The following RIC3 variants were observed in gnomAD, a reference collection of about 807,000 sequenced individuals.
The protein encoded by RIC3 is protein RIC-3.
In RIC3, 28 loss-of-function variants were observed where a neutral mutation model predicts 27.3. The observed-to-expected ratio is 1.02, with a 90% CI of 0.76 to 1.41. The LOEUF is 1.41. RIC3 is among the 40% of genes most tolerant of loss of function. RIC3 has a pLI of 0.00. For missense variants in RIC3, 501 were observed against 444.7 expected (o/e 1.13, Z -1.14); for synonymous variants, 184 against 160.4 (o/e 1.15, Z -1.11).
intron 4 of RIC3, among the ~76,000 whole-genome samples, chr11:8,128,754 T>C (rs907273995): frequency 5.8e-5 from 8 of 138,546 alleles, no homozygotes; most frequent in Non-Finnish European, 9.4e-5. Flanking sequence ...CAAAAACTTT[T>C]TTTTTTTTTT....
intron 1 of RIC3, among the ~76,000 whole-genome samples, chr11:8,157,884 T>C (rs1372319667): frequency 6.6e-6 from 1 of 152,206 alleles, no homozygotes; most frequent in Non-Finnish European, 1.5e-5. Flanking sequence ...TTTACACGCA[T>C]TCATGGGCTC....
rs1944925268 is a variant in RIC3 at position 8,108,677 on chromosome 11, T to A, written c.*2021A>T. 6.6e-6 allele frequency: 1 copy of A among 152,220 alleles called. No homozygotes were observed. The highest frequency in any genetic ancestry group is 2.4e-5 in the African/African-American group (1 of 41,448). 9.4% of individuals were successfully genotyped at this position (152,220 alleles called of 1,614,324 possible). A position where few individuals can be genotyped will look rare whatever the true frequency, so the allele number is the denominator to read the frequency against. On this transcript the variant is annotated 3_prime_UTR_variant, in exon 6 of 6. Transcript: ENST00000309737. ...CAGGATTCACGATCCTGAGCCCTCTTACAGGGTCATAGTTCATTTTATCTG... is the reference window on the plus strand; with the variant it reads ...CAGGATTCACGATCCTGAGCCCTCTAACAGGGTCATAGTTCATTTTATCTG...
In RIC3 at chr11:8,106,925, T is replaced by C. The variant is rs1177377791; in HGVS notation, c.*3773A>G. 1 of 152,218 alleles carries C rather than the reference T, an allele frequency of 6.6e-6. No homozygotes were observed. The highest frequency in any genetic ancestry group is 1.9e-4 in the East Asian group (1 of 5,198). 9.4% of individuals were successfully genotyped at this position (152,218 alleles called of 1,614,324 possible). ...CTTGACAGAGTGGTGACAGGGATCA[T>C]GCTGTCACCAAGCACCTACCACATG... On this transcript the variant is annotated 3_prime_UTR_variant, in exon 6 of 6. Transcript: ENST00000309737.
chr11:8,163,220 A>G (rs193008151), intron 1 of RIC3, among the ~76,000 whole-genome samples: 29 of 152,260 alleles, frequency 1.9e-4, no homozygotes, highest in African/African-American at 6.7e-4. Flanking sequence ...ACATAGAAAA[A>G]AAGTATTTGA....
At chr11:8,155,401 C>T (rs2134182171) in intron 1 of RIC3, among the ~76,000 whole-genome samples, 2 of 152,060 alleles carry the variant, frequency 1.3e-5, no homozygotes, top group Middle Eastern at 6.8e-3. Flanking sequence ...CACGGTGAAA[C>T]TCCGTCTCTA....
At position 8,144,749 on chromosome 11, in the gene RIC3, T is replaced by C. The variant is rs1949488001; in HGVS notation, c.125-4556A>G. Reference sequence around the variant, plus strand: ...TGCACACGTATGTTTATTGCGGCATTATTCACAATAGCAAAGACTTGGAAC... The same window carrying C: ...TGCACACGTATGTTTATTGCGGCATCATTCACAATAGCAAAGACTTGGAAC... On this transcript the variant is annotated intron_variant, in intron 1 of 5. Transcript: ENST00000309737. Among the ~76,000 whole-genome samples, 5 of 151,502 alleles carry C rather than the reference T, an allele frequency of 3.3e-5. No individual in the cohort carries two copies. In the South Asian group the frequency reaches 1.0e-3, roughly 32 times the overall value.
intron 5 of RIC3, among the ~76,000 whole-genome samples, chr11:8,115,584 G>C (rs1366845757): frequency 6.6e-6 from 1 of 152,106 alleles, no homozygotes; most frequent in Non-Finnish European, 1.5e-5. Flanking sequence ...GTGACAGGTG[G>C]ATCACCTGAG....
intron 5 of RIC3, 98 bp downstream of exon 5, chr11:8,126,561 A>C: frequency 7.3e-7 from 1 of 1,370,088 alleles, no homozygotes; most frequent in East Asian, 2.4e-5. Flanking sequence ...ATTACTGTTT[A>C]TATATTATAC....
chr11:8,100,437 C>G, the RIC3 span: 9 of 1,247,764 alleles, frequency 7.2e-6, no homozygotes, highest in African/African-American at 1.5e-5. Flanking sequence ...TTATTCCCGT[C>G]CCCCCCACCT....
At chr11:8,141,629 A>G (rs1403940197) in intron 1 of RIC3, among the ~76,000 whole-genome samples, 1 of 151,744 alleles carries the variant, frequency 6.6e-6, no homozygotes, top group African/African-American at 2.4e-5. Flanking sequence ...CGAGACAGAA[A>G]GTCAACAAGG....
rs374946143 is a variant in RIC3, at chr11:8,137,298, AGAGGCCT to A, written c.521+73_521+79del. On this transcript the variant is annotated intron_variant, in intron 4 of 5. Transcript: ENST00000309737. ...CTCGGCCTCCCAAAGTGCTGGGATT[AGAGGCCT>A]CGGCCACTGCACCCAGCCTGAATTT... 1,479 of 1,261,316 alleles carry A rather than the reference AGAGGCCT, an allele frequency of 1.2e-3. 8 individuals are homozygous for A. The African/African-American group carries it at 0.02, about 17-fold the overall frequency. The allele number at this position is 1,261,316 out of a possible 1,614,324, so 78.1% of individuals were successfully genotyped here. A position where few individuals can be genotyped will look rare whatever the true frequency, so the allele number is the denominator to read the frequency against.
intron 4 of RIC3, among the ~76,000 whole-genome samples, chr11:8,131,764 G>A (rs887006875): frequency 1.3e-5 from 2 of 151,804 alleles, no homozygotes; most frequent in African/African-American, 4.8e-5. Flanking sequence ...AGCCAGGCGT[G>A]GTGGCACATG....
At chr11:8,159,368 G>A (rs1298461279) in intron 1 of RIC3, among the ~76,000 whole-genome samples, 1 of 152,174 alleles carries the variant, frequency 6.6e-6, no homozygotes, top group Non-Finnish European at 1.5e-5. Flanking sequence ...GAAGCAAATG[G>A]GGAAGAGAAT....
intron 1 of RIC3, among the ~76,000 whole-genome samples, chr11:8,156,153 T>G (rs538638887): frequency 1.6e-4 from 25 of 152,354 alleles, no homozygotes; most frequent in Non-Finnish European, 2.1e-4. Flanking sequence ...CAATTACCAC[T>G]GTTTTGTTAC....
At chr11:8,101,334 T>C, downstream of RIC3, 1 of 1,001,354 alleles carries the variant, frequency 1.0e-6, no homozygotes, top group East Asian at 2.4e-5. Context: ...TTCTCCCAAT[T>C]GGCCTTTGTT....
chr11:8,113,578 C>G (rs955217611), intron 5 of RIC3, among the ~76,000 whole-genome samples: 1 of 152,180 alleles, frequency 6.6e-6, no homozygotes, highest in South Asian at 2.1e-4. Context: ...CCTGCAGACA[C>G]AGGCTCCAGG....
At chr11:8,100,288 G>A in the RIC3 span, among the ~76,000 whole-genome samples, 1 of 152,168 alleles carries the variant, frequency 6.6e-6, no homozygotes, top group African/African-American at 2.4e-5. Context: ...GCATTGCCGT[G>A]AGCAGAAGCA....
chr11:8,122,864 C>CAAAA (rs55826618), intron 5 of RIC3, among the ~76,000 whole-genome samples: 22 of 63,512 alleles, frequency 3.5e-4, no homozygotes, highest in Admixed American at 1.4e-3. Context: ...ACCAGGTATG[C>CAAAA]AAAAAAAAAA....
chr11:8,102,509 C>T (rs1944350168), downstream of RIC3: 1 of 152,294 alleles, frequency 6.6e-6, no homozygotes, highest in Non-Finnish European at 1.5e-5. Context: ...GGGTCCAGGT[C>T]ACCAGCCTGA....
Sources: allele counts gnomAD v4.1 joint callset (sites outside exome capture counted in the v4.1 genomes callset), GRCh38; gene constraint gnomAD v4.1.1; transcripts MANE v1.5; gene names NCBI Gene and HGNC (gene_info 2026-07-23, HGNC 2026-07-21).